Variants in SHISA6 observed in about 807,000 individuals in gnomAD.
SHISA6 encodes shisa family member 6, also known as protein shisa-6.
Under a neutral mutation model 47.9 loss-of-function variants are expected in SHISA6, and 22 were observed. That is an observed-to-expected ratio of 0.46 (90% CI 0.33 to 0.66). The LOEUF (loss-of-function observed/expected upper bound fraction) is 0.66, where lower values mean the gene tolerates loss of function less well. SHISA6 is among the 30% of genes least tolerant of loss of function. The pLI, the probability that SHISA6 is intolerant of heterozygous loss-of-function variation, is 0.02. For synonymous variants in SHISA6, 388 were observed against 337.8 expected (o/e 1.15, Z -1.63); for missense variants, 680 against 764.6 (o/e 0.89, Z 1.30).
chr17:11,417,086 A>G (rs1914302758), intron 3 of SHISA6, among the ~76,000 whole-genome samples: 1 of 148,556 alleles, frequency 6.7e-6, no homozygotes, highest in African/African-American at 2.6e-5. Context: ...TGGCAAGCTG[A>G]CAACAACAAC....
rs1296586424 is a variant in SHISA6, at chr17:11,558,289, C to T, written c.1641C>T (p.Thr547=). The T allele has an allele frequency of 4.9e-5, 76 of 1,538,384 alleles. No homozygotes were observed. The highest frequency in any genetic ancestry group is 6.3e-5 in the Non-Finnish European group (72 of 1,146,638). ...ACACCTGCTACACAGCCAGCAAGAC[C>T]GAAGTGACCGTGTGACCGGCGGGGC... ...GHHTCYTASK[T]EVTV The change falls in exon 6 of 6, where the codon ACC becomes ACT. Residue 547 remains threonine (T), a synonymous_variant. Coordinates refer to ENST00000441885, the MANE Select transcript of SHISA6 (RefSeq NM_207386.4).
chr17:11,488,821 A>G lies in SHISA6; in HGVS notation c.896-63075A>G, dbSNP rs530649018. 7.9e-5 allele frequency among the ~76,000 whole-genome samples: 12 copies of G among 152,298 alleles called. No homozygotes were observed. The South Asian group carries it at 2.3e-3, about 29-fold the overall frequency. On this transcript the variant is annotated intron_variant, in intron 3 of 5. Coordinates refer to ENST00000441885, the MANE Select transcript of SHISA6 (RefSeq NM_207386.4). ...ATCCCTGAATCTGTTGCTGCAACCT[A>G]GAGGATGTGATAGTCATATTCACTT...
At chr17:11,442,732 C>T (rs1915124887) in intron 3 of SHISA6, among the ~76,000 whole-genome samples, 1 of 152,138 alleles carries the variant, frequency 6.6e-6, no homozygotes, top group African/African-American at 2.4e-5. Flanking sequence ...ATAGATAAAG[C>T]TCTCACTACC....
intron 3 of SHISA6, among the ~76,000 whole-genome samples, chr17:11,493,754 A>G (rs1009122207): frequency 1.3e-5 from 2 of 152,100 alleles, no homozygotes; most frequent in East Asian, 1.9e-4. Flanking sequence ...TTCTCTTCCA[A>G]CTCTACAGAG....
intron 3 of SHISA6, among the ~76,000 whole-genome samples, chr17:11,455,727 A>G (rs915370547): frequency 6.6e-6 from 1 of 152,144 alleles, no homozygotes; most frequent in African/African-American, 2.4e-5. Flanking sequence ...GAGGGGTCAC[A>G]TTCCATTTTA....
At chr17:11,364,235 G>A (rs998302245) in intron 2 of SHISA6, among the ~76,000 whole-genome samples, 2 of 152,034 alleles carry the variant, frequency 1.3e-5, no homozygotes, top group Non-Finnish European at 2.9e-5. Flanking sequence ...AATAAAGAAC[G>A]TTTCCATCAC....
chr17:11,454,511 C>T (rs1915483814), intron 3 of SHISA6, among the ~76,000 whole-genome samples: 1 of 152,210 alleles, frequency 6.6e-6, no homozygotes, highest in African/African-American at 2.4e-5. Context: ...CATGGCTACA[C>T]TCAGCCAATT....
rs1490275754 is a variant in SHISA6 at position 11,379,509 on chromosome 17, G to A, written c.895G>A (p.Gly299Ser). Residue 299 changes from glycine to serine, a missense_variant and splice_region_variant, in exon 3 of 6, where the codon GGT becomes AGT. By Grantham distance (56) the Gly-to-Ser change is moderately conservative (BLOSUM62 0). Coordinates refer to ENST00000441885, the MANE Select transcript of SHISA6 (RefSeq NM_207386.4). ...CACATTAGGAAGAGGACACACCAAG[G>A]GTACAGTGGAAACCATTTTTTACTA... The part of the protein sequence containing the change: ...FVTLGRGHTK[G>S]DHQYNHPILS... 5 of 1,531,366 alleles carry A rather than the reference G, an allele frequency of 3.3e-6. No homozygotes were observed. Among genetic ancestry groups the A allele is most frequent in the Non-Finnish European group, 3.5e-6 (4 of 1,137,422 alleles). 94.9% of individuals were successfully genotyped at this position (1,531,366 alleles called of 1,614,324 possible).
At chr17:11,538,168 A>G (rs2142376745) in intron 3 of SHISA6, among the ~76,000 whole-genome samples, 1 of 152,204 alleles carries the variant, frequency 6.6e-6, no homozygotes, top group East Asian at 1.9e-4. Context: ...GGTTCAAGCA[A>G]TTCTCCTGCC....
At chr17:11,421,423 A>G (rs1205005720) in intron 3 of SHISA6, among the ~76,000 whole-genome samples, 2 of 152,158 alleles carry the variant, frequency 1.3e-5, no homozygotes, top group Admixed American at 1.3e-4. Context: ...TATTATATAA[A>G]CCAAATAAGG....
chr17:11,487,356 A>G (rs1916378503), intron 3 of SHISA6, among the ~76,000 whole-genome samples: 1 of 152,238 alleles, frequency 6.6e-6, no homozygotes, highest in Non-Finnish European at 1.5e-5. Flanking sequence ...GGTGGAAAGT[A>G]TATCTCAATT....
chr17:11,378,109 A>G (rs544633866), intron 2 of SHISA6, among the ~76,000 whole-genome samples: 1 of 152,310 alleles, frequency 6.6e-6, no homozygotes, highest in South Asian at 2.1e-4. Context: ...TGATCCAGAA[A>G]GTGGCATTAC....
chr17:11,548,947 C>G (rs908311527), intron 3 of SHISA6, among the ~76,000 whole-genome samples: 7 of 152,080 alleles, frequency 4.6e-5, no homozygotes, highest in Non-Finnish European at 2.9e-5. Flanking sequence ...TATGCAAAAA[C>G]TAGATATTTT....
At chr17:11,386,377 A>G (rs1389634442) in intron 3 of SHISA6, among the ~76,000 whole-genome samples, 2 of 152,204 alleles carry the variant, frequency 1.3e-5, no homozygotes, top group East Asian at 3.9e-4. Context: ...CTCCATCTCA[A>G]AAATTAAAAA....
At chr17:11,370,400 C>G (rs1028559150) in intron 2 of SHISA6, among the ~76,000 whole-genome samples, 4 of 152,160 alleles carry the variant, frequency 2.6e-5, no homozygotes, top group Admixed American at 1.3e-4. Context: ...CTGGAGACGT[C>G]CATGGATCCC....
intron 2 of SHISA6, among the ~76,000 whole-genome samples, chr17:11,277,274 TCTCTCTCACACA>T (rs1191810335): frequency 6.2e-5 from 4 of 64,692 alleles, no homozygotes; most frequent in African/African-American, 1.0e-4. Context: ...TCTCTCTCTC[TCTCTCTCACACA>T]CACACACACA....
intron 3 of SHISA6, among the ~76,000 whole-genome samples, chr17:11,543,910 C>CAAAAAAAAA (rs200573876): frequency 1.0e-5 from 1 of 96,378 alleles, no homozygotes; most frequent in African/African-American, 3.5e-5. Context: ...TATTTATAAG[C>CAAAAAAAAA]AAAAAAAAAA....
intron 3 of SHISA6, among the ~76,000 whole-genome samples, chr17:11,523,320 C>T (rs959735275): frequency 6.6e-6 from 1 of 152,212 alleles, no homozygotes; most frequent in African/African-American, 2.4e-5. Flanking sequence ...TTATTCCTCT[C>T]CTTGTCTGTG....
At chr17:11,253,358 T>C (rs1309944522) in intron 1 of SHISA6, among the ~76,000 whole-genome samples, 1 of 152,000 alleles carries the variant, frequency 6.6e-6, no homozygotes, top group Non-Finnish European at 1.5e-5. Flanking sequence ...GATGAACAGA[T>C]TAATAGCTCA....
Sources: allele counts gnomAD v4.1 joint callset (sites outside exome capture counted in the v4.1 genomes callset), GRCh38; gene constraint gnomAD v4.1.1; transcripts MANE v1.5; gene names NCBI Gene and HGNC (gene_info 2026-07-23, HGNC 2026-07-21).